NPEPPS: variants seen among roughly 807,000 people sequenced by gnomAD.
The protein encoded by NPEPPS is aminopeptidase puromycin sensitive.
A neutral mutation model predicts 115.5 loss-of-function variants in NPEPPS; 14 were observed. The ratio of observed to expected loss-of-function variants is 0.12; its 90% CI spans 0.08 to 0.19. NPEPPS has a LOEUF of 0.19. Among genes scored for constraint, NPEPPS ranks in the 10% least tolerant of loss-of-function variants. The pLI is 1.00. For missense variants in NPEPPS, 523 were observed against 1,110.8 expected, an observed-to-expected ratio of 0.47 and a Z score of 7.52; for synonymous variants, 285 against 390.6, an observed-to-expected ratio of 0.73 and a Z score of 3.19.
upstream of NPEPPS, among the ~76,000 whole-genome samples, chr17:47,530,396 G>C (rs1405731811): frequency 8.5e-6 from 1 of 117,290 alleles, no homozygotes; most frequent in African/African-American, 3.4e-5. Context: ...TTGCTCTGTC[G>C]CCCAGGCTGG....
intron 1 of NPEPPS, among the ~76,000 whole-genome samples, chr17:47,525,097 T>C (rs1907381319): frequency 6.6e-6 from 1 of 152,032 alleles, no homozygotes; most frequent in Non-Finnish European, 1.5e-5. Context: ...CCTTGTGTTC[T>C]AATTTCTGTT....
chr17:47,617,509 A>ATT (rs386364992), intron 19 of NPEPPS, among the ~76,000 whole-genome samples: 2,456 of 125,360 alleles, frequency 0.02, 47 homozygotes, highest in East Asian at 0.13. Context: ...ATATATATAT[A>ATT]TATTTTTTAG....
chr17:47,543,250 A>G (rs1908915370), intron 1 of NPEPPS, among the ~76,000 whole-genome samples: 1 of 152,018 alleles, frequency 6.6e-6, no homozygotes, highest in South Asian at 2.1e-4. Flanking sequence ...AAAGATGCGT[A>G]GTAACCAATG....
intron 16 of NPEPPS, 99 bp from the exon 17 acceptor site, chr17:47,605,234 C>T: frequency 1.3e-6 from 1 of 770,138 alleles, no homozygotes; most frequent in Non-Finnish European, 2.1e-6. Context: ...TTTCCTTAAA[C>T]CAAAGAAATT....
At chr17:47,544,915 G>A (rs987352788) in intron 1 of NPEPPS, among the ~76,000 whole-genome samples, 3 of 149,178 alleles carry the variant, frequency 2.0e-5, no homozygotes, top group African/African-American at 7.4e-5. Context: ...ATGTTGGCCA[G>A]GCTGATCTCA....
intron 14 of NPEPPS, 112 bp from the exon 15 acceptor site, chr17:47,601,496 C>CTA: frequency 9.0e-7 from 1 of 1,107,090 alleles, no homozygotes; most frequent in South Asian, 1.3e-5. Context: ...TAAGAATGAA[C>CTA]TATTGACTTA....
At chr17:47,537,883 GTTTTTTTTTTTCT>G (rs1362090437) in intron 1 of NPEPPS, among the ~76,000 whole-genome samples, 1 of 141,856 alleles carries the variant, frequency 7.0e-6, no homozygotes, top group African/African-American at 2.6e-5. Flanking sequence ...TTTCATATCT[GTTTTTTTTTTTCT>G]TTTTTTTTTC....
intron 2 of NPEPPS, among the ~76,000 whole-genome samples, chr17:47,547,013 T>TA (rs1909265005): frequency 6.6e-6 from 1 of 152,198 alleles, no homozygotes; most frequent in African/African-American, 2.4e-5. Flanking sequence ...ATGTTTTTCT[T>TA]AAAGTTTTTT....
chr17:47,532,334 G>C (rs1907864804), intron 1 of NPEPPS, among the ~76,000 whole-genome samples: 1 of 152,038 alleles, frequency 6.6e-6, no homozygotes, highest in African/African-American at 2.4e-5. Context: ...TATTGCTACC[G>C]TGATGGTTGC....
chr17:47,555,944 TC>T (rs1909982635), intron 2 of NPEPPS, among the ~76,000 whole-genome samples: 1 of 150,990 alleles, frequency 6.6e-6, no homozygotes, highest in Admixed American at 6.6e-5. Flanking sequence ...TAGGTAGTAG[TC>T]AGGGCTCATT....
At chr17:47,549,266 C>T (rs942486832) in intron 2 of NPEPPS, among the ~76,000 whole-genome samples, 11 of 151,864 alleles carry the variant, frequency 7.2e-5, no homozygotes, top group African/African-American at 1.2e-4. Flanking sequence ...TGCTTGAACC[C>T]GGGAGGCAGA....
chr17:47,587,191 T>C (rs1200748604), intron 8 of NPEPPS, 39 bp from the exon 9 acceptor site: 2 of 1,517,340 alleles, frequency 1.3e-6, no homozygotes, highest in African/African-American at 2.8e-5. Flanking sequence ...CCCACTTTTA[T>C]TGTTTAAATT....
At chr17:47,550,752 G>A (rs1909592129) in intron 2 of NPEPPS, among the ~76,000 whole-genome samples, 1 of 151,118 alleles carries the variant, frequency 6.6e-6, no homozygotes, top group Admixed American at 6.6e-5. Context: ...TCAGCCTCCC[G>A]AGTAGCTGGG....
In NPEPPS at chr17:47,612,577, TTCTC is replaced by T; in HGVS notation, c.2216_2219del (p.Leu739ProfsTer4). 6.2e-7 allele frequency: 1 copy of T among 1,613,914 alleles called. No homozygotes were observed. Among genetic ancestry groups the T allele is most frequent in the Non-Finnish European group, 8.5e-7 (1 of 1,179,860 alleles). ...AAGGACCACGTGGAAGGAAAACAGA[TTCTC>T]TCCGCTGATCTGAGGAGTCCTGTAG... On this transcript the variant is annotated frameshift_variant, in exon 18 of 23. Coordinates refer to ENST00000322157, the MANE Select transcript of NPEPPS (RefSeq NM_006310.4). LOFTEE classifies it high-confidence loss of function.
rs1172238090 is a variant in NPEPPS, at chr17:47,565,505, CAAAAAAAA to C, written c.341-3897_341-3890del. Among the ~76,000 whole-genome samples the C allele has an allele frequency of 6.2e-5, 4 of 64,524 alleles. No individual in the cohort carries two copies. The Admixed American group carries it at 7.3e-4, about 12-fold the overall frequency. The allele number at this position is 64,524 out of a possible 152,430, so 42.3% of individuals were successfully genotyped here. A position where few individuals can be genotyped will look rare whatever the true frequency, so the allele number is the denominator to read the frequency against. On this transcript the variant is annotated intron_variant, in intron 2 of 22. Coordinates refer to ENST00000322157, the MANE Select transcript of NPEPPS (RefSeq NM_006310.4). ...TGGGCGACAGAGCAAGACTCCATCT[CAAAAAAAA>C]AAAAAAAAAAAAAAGGTGATTCGAG... is the stretch of plus-strand genomic sequence containing the variant.
intron 5 of NPEPPS, among the ~76,000 whole-genome samples, 161 bp downstream of exon 5, chr17:47,583,010 CT>C (rs745447996): frequency 1.0e-3 from 135 of 135,134 alleles, no homozygotes; most frequent in Middle Eastern, 3.9e-3. Flanking sequence ...CTTTTTCTTT[CT>C]TTTTTTTTTT....
Position 47,612,546 on chromosome 17 carries a change from C to T in NPEPPS, c.2182C>T (p.Arg728Trp), listed in dbSNP as rs1173048259. 3 of 1,613,768 alleles carry T rather than the reference C, an allele frequency of 1.9e-6. No individual in the cohort carries two copies. Among genetic ancestry groups the T allele is most frequent in the Non-Finnish European group, 2.5e-6 (3 of 1,179,858 alleles). The change falls in exon 18 of 23, where the codon CGG becomes TGG. Residue 728 changes from arginine to tryptophan, a missense_variant. Arg to Trp is a moderately radical substitution (Grantham distance 101, BLOSUM62 -3). Transcript: ENST00000322157. ...HKATLEEARR[R>W]FKDHVEGKQI... ...GGCAACGTTAGAAGAAGCCCGTCGT[C>T]GGTTTAAGGACCACGTGGAAGGAAA...
intron 19 of NPEPPS, among the ~76,000 whole-genome samples, chr17:47,616,378 G>A (rs1281030202): frequency 6.6e-6 from 1 of 151,642 alleles, no homozygotes; most frequent in Non-Finnish European, 1.5e-5. Flanking sequence ...AGAAACTCCG[G>A]CTCTACTAAA....
upstream of NPEPPS, among the ~76,000 whole-genome samples, chr17:47,527,764 AAAAC>A (rs561757539): frequency 2.5e-4 from 38 of 151,948 alleles, no homozygotes; most frequent in South Asian, 5.4e-3. Context: ...CAAGAAAAAC[AAAAC>A]AAACAAACAA....
Sources: allele counts gnomAD v4.1 joint callset (sites outside exome capture counted in the v4.1 genomes callset), GRCh38; gene constraint gnomAD v4.1.1; transcripts MANE v1.5; gene names NCBI Gene and HGNC (gene_info 2026-07-23, HGNC 2026-07-21).